The following RYR3 variants were observed in gnomAD, a reference collection of about 807,000 sequenced individuals.
RYR3 encodes the protein brain ryanodine receptor-calcium release channel.
In RYR3, 207 loss-of-function variants were observed where a neutral mutation model predicts 584.3. The observed-to-expected ratio is 0.35, with a 90% CI of 0.32 to 0.40. The LOEUF (loss-of-function observed/expected upper bound fraction) is 0.40, where lower values mean the gene tolerates loss of function less well. Ranked by LOEUF, RYR3 falls within the 10% of genes least tolerant of loss-of-function variation. The probability of loss-of-function intolerance (pLI) is 1.00; values close to 1 mark genes in which losing one functional copy is unlikely to be tolerated. For missense variants in RYR3, 5,616 were observed against 6,089.2 expected, an observed-to-expected ratio of 0.92 and a Z score of 2.59; for synonymous variants, 2,416 against 2,248.5, an observed-to-expected ratio of 1.07 and a Z score of -2.11.
At chr15:33,417,251 T>C (rs1473225613) in intron 1 of RYR3, among the ~76,000 whole-genome samples, 3 of 152,198 alleles carry the variant, frequency 2.0e-5, no homozygotes, top group Non-Finnish European at 4.4e-5. Context: ...TTGATAGGAA[T>C]AGCACTTAAT....
intron 98 of RYR3, among the ~76,000 whole-genome samples, chr15:33,857,233 G>A (rs1378553514): frequency 1.5e-5 from 1 of 65,154 alleles, no homozygotes; most frequent in African/African-American, 5.7e-5. Context: ...AGTAAGTCCA[G>A]TATCATGGTG....
intron 1 of RYR3, among the ~76,000 whole-genome samples, chr15:33,454,145 G>A (rs1218059820): frequency 5.3e-5 from 8 of 152,212 alleles, no homozygotes; most frequent in South Asian, 2.1e-4. Flanking sequence ...CGAAGATGCT[G>A]TAGTATTGGA....
In RYR3 at chr15:33,816,916, AGAG is replaced by A; in HGVS notation, c.10561_10563del (p.Glu3521del). On this transcript the variant is annotated inframe_deletion, in exon 75 of 104. Transcript: ENST00000634891. ...GCTATCAGAGATTTTGGATAGAAAC[AGAG>A]GAGTATTCCTTTGAAGAGAAACTAG... The A allele has an allele frequency of 6.2e-7, 1 of 1,612,440 alleles. No individual in the cohort carries two copies. The highest frequency in any genetic ancestry group is 8.5e-7 in the Non-Finnish European group (1 of 1,179,052).
At chr15:33,520,861 A>T (rs2053929707) in intron 3 of RYR3, among the ~76,000 whole-genome samples, 1 of 152,200 alleles carries the variant, frequency 6.6e-6, no homozygotes. Flanking sequence ...GAAAATGCTC[A>T]TCTGTCTGTT....
chr15:33,525,626 G>T (rs1434219643), intron 3 of RYR3, among the ~76,000 whole-genome samples: 1 of 152,146 alleles, frequency 6.6e-6, no homozygotes, highest in Non-Finnish European at 1.5e-5. Context: ...CACCTAAGCA[G>T]ATTTCTAAAA....
At chr15:33,382,976 T>C (rs2041312241) in intron 1 of RYR3, among the ~76,000 whole-genome samples, 1 of 152,120 alleles carries the variant, frequency 6.6e-6, no homozygotes, top group East Asian at 1.9e-4. Flanking sequence ...ATGAACAAAT[T>C]CTTCATACCT....
At position 33,739,871 on chromosome 15, in the gene RYR3, C is replaced by A. The variant is rs781245229; in HGVS notation, c.7696C>A (p.Leu2566Ile). Residue 2566 changes from leucine to isoleucine, a missense_variant, in exon 51 of 104, where the codon CTC (leucine) becomes ATC (isoleucine). By Grantham distance (5) the Leu-to-Ile change is conservative. Transcript: ENST00000634891. ...TCTTTTCCGAATGGCCCTGCCTTGT[C>A]TCAGTGCTATAGCTGGGGCCTTGCC... The part of the protein sequence containing the change: ...PDLFRMALPC[L>I]SAIAGALPPD... 1.2e-6 allele frequency: 2 copies of A among 1,613,752 alleles called. No homozygotes were observed. The highest frequency in any genetic ancestry group is 8.5e-7 in the Non-Finnish European group (1 of 1,179,824).
rs372037224 is a variant in RYR3 at position 33,853,617 on chromosome 15, C to T, written c.13734C>T (p.Asp4578=). Residue 4578 remains aspartate (D), a synonymous_variant, in exon 96 of 104, where the codon GAC becomes GAT. Transcript: ENST00000634891. ...AERIAELLGL[D]KNALDFSPVE... is the part of the protein sequence containing the mutation. ...GCATTGCTGAACTTCTGGGTTTGGACAAAAATGCTCTTGACTTTAGCCCAG... is the reference window on the plus strand; with the variant it reads ...GCATTGCTGAACTTCTGGGTTTGGATAAAAATGCTCTTGACTTTAGCCCAG... 5.6e-6 allele frequency: 9 copies of T among 1,613,804 alleles called. No individual in the cohort carries two copies. Among genetic ancestry groups the T allele is most frequent in the Non-Finnish European group, 7.6e-6 (9 of 1,179,888 alleles).
At chr15:33,691,871 G>A (rs1395370188) in intron 38 of RYR3, among the ~76,000 whole-genome samples, 1 of 152,220 alleles carries the variant, frequency 6.6e-6, no homozygotes, top group African/African-American at 2.4e-5. Flanking sequence ...TTCAAGCTAA[G>A]GCACAAGCAG....
chr15:33,847,861 T>A (rs553080921), intron 93 of RYR3, among the ~76,000 whole-genome samples: 1 of 152,184 alleles, frequency 6.6e-6, no homozygotes, highest in Admixed American at 6.5e-5. Context: ...CCCTGTACAT[T>A]GAAGGGAGTT....
intron 18 of RYR3, among the ~76,000 whole-genome samples, chr15:33,608,438 A>C (rs933586522): frequency 6.6e-6 from 1 of 152,242 alleles, no homozygotes; most frequent in African/African-American, 2.4e-5. Context: ...GATTTATAAC[A>C]CACACTATGC....
At chr15:33,769,074 TG>T in intron 61 of RYR3, 37 bp from the exon 62 acceptor site, 2 of 1,496,782 alleles carry the variant, frequency 1.3e-6, no homozygotes, top group Non-Finnish European at 1.9e-6. Flanking sequence ...ACAGGCTGAG[TG>T]GTTTGAGGGA....
intron 60 of RYR3, among the ~76,000 whole-genome samples, chr15:33,767,405 G>A (rs1367418077): frequency 6.6e-6 from 1 of 152,186 alleles, no homozygotes; most frequent in Non-Finnish European, 1.5e-5. Context: ...CTTATTGTGT[G>A]TTCTCTTAAG....
At chr15:33,385,498 C>T (rs2041525144) in intron 1 of RYR3, among the ~76,000 whole-genome samples, 1 of 152,124 alleles carries the variant, frequency 6.6e-6, no homozygotes, top group Admixed American at 6.5e-5. Context: ...TTATGAGACT[C>T]CAAAGTTAAA....
chr15:33,725,180 C>CACACACACACATATATAT (rs1555427023), intron 45 of RYR3, among the ~76,000 whole-genome samples: 1 of 143,792 alleles, frequency 7.0e-6, no homozygotes, highest in South Asian at 2.6e-4. Flanking sequence ...CACACACACA[C>CACACACACACATATATAT]ACACACACAC....
At chr15:33,845,479 C>A (rs1381429314) in intron 93 of RYR3, among the ~76,000 whole-genome samples, 1 of 152,178 alleles carries the variant, frequency 6.6e-6, no homozygotes, top group South Asian at 2.1e-4. Flanking sequence ...GTCCTGAACT[C>A]CTGACCTCAG....
Position 33,742,423 on chromosome 15 carries a change from T to C in RYR3, c.7878T>C (p.His2626=), listed in dbSNP as rs747380184. ...YIVTKYAEHS[H]DKWACDKSQS... Reference sequence around the variant, plus strand: ...TCACCAAGTATGCTGAGCATTCACATGATAAATGGGCCTGTGACAAGGTAG... The same window carrying C: ...TCACCAAGTATGCTGAGCATTCACACGATAAATGGGCCTGTGACAAGGTAG... The change falls in exon 52 of 104, where the codon CAT becomes CAC. Residue 2626 remains histidine, a synonymous_variant. Coordinates refer to ENST00000634891, the MANE Select transcript of RYR3 (RefSeq NM_001036.6). 3 of 1,610,534 alleles carry C rather than the reference T, an allele frequency of 1.9e-6. No individual in the cohort carries two copies. The African/African-American group carries it at 4.0e-5, about 22-fold the overall frequency.
intron 15 of RYR3, 115 bp downstream of exon 15, chr15:33,584,605 CAT>C (rs912155922): frequency 1.0e-4 from 57 of 569,692 alleles, no homozygotes; most frequent in Non-Finnish European, 1.5e-4. Flanking sequence ...ATCCTCAAAT[CAT>C]ACTTCAAAAT....
intron 67 of RYR3, among the ~76,000 whole-genome samples, chr15:33,799,333 A>T (rs1014184864): frequency 2.6e-5 from 4 of 152,116 alleles, no homozygotes; most frequent in African/African-American, 9.7e-5. Context: ...CAGCCCCACC[A>T]CCATTTACCC....
Sources: allele counts gnomAD v4.1 joint callset (sites outside exome capture counted in the v4.1 genomes callset), GRCh38; gene constraint gnomAD v4.1.1; transcripts MANE v1.5; gene names NCBI Gene and HGNC (gene_info 2026-07-23, HGNC 2026-07-21).